The following SPEF2 variants were observed in gnomAD, a reference collection of about 807,000 sequenced individuals.
The protein encoded by SPEF2 is sperm flagella and cilia-associated protein 2.
SPEF2 carries 187 observed loss-of-function variants against 224.6 expected under a neutral mutation model. The observed-to-expected ratio is 0.83, with a 90% confidence interval of 0.74 to 0.94. SPEF2 has a LOEUF of 0.94. SPEF2 is among the 40% of genes least tolerant of loss of function. The probability of loss-of-function intolerance (pLI) is 0.00; values close to 1 mark genes in which losing one functional copy is unlikely to be tolerated. For missense variants in SPEF2, 2,170 were observed against 2,135.6 expected, an observed-to-expected ratio of 1.02 and a Z score of -0.32; for synonymous variants, 715 against 707.3, an observed-to-expected ratio of 1.01 and a Z score of -0.17.
At chr5:35,695,056 T>C (rs1052030785) in intron 13 of SPEF2, among the ~76,000 whole-genome samples, 2 of 152,192 alleles carry the variant, frequency 1.3e-5, no homozygotes, top group African/African-American at 4.8e-5. Flanking sequence ...GCCATTACCA[T>C]TGAACAATGT....
At chr5:35,669,300 A>G (rs760057218) in intron 9 of SPEF2, among the ~76,000 whole-genome samples, 2 of 152,096 alleles carry the variant, frequency 1.3e-5, no homozygotes, top group Non-Finnish European at 2.9e-5. Context: ...GTTTATGATC[A>G]TGTCAGGACA....
At chr5:35,755,568 T>G (rs1490221071) in intron 24 of SPEF2, among the ~76,000 whole-genome samples, 1 of 152,204 alleles carries the variant, frequency 6.6e-6, no homozygotes, top group African/African-American at 2.4e-5. Flanking sequence ...TACTAAGTTC[T>G]TACTATGTAC....
chr5:35,782,973 A>C (rs1220175934), intron 30 of SPEF2, among the ~76,000 whole-genome samples: 1 of 152,338 alleles, frequency 6.6e-6, no homozygotes, highest in East Asian at 1.9e-4. Context: ...TAGATCATGC[A>C]AAATGCAATG....
chr5:35,727,247 G>A (rs189414770), intron 20 of SPEF2, among the ~76,000 whole-genome samples: 1 of 152,138 alleles, frequency 6.6e-6, no homozygotes, highest in Non-Finnish European at 1.5e-5. Context: ...CTTTCTCTCT[G>A]CCCTCTAACC....
chr5:35,710,106 C>A (rs1250554411), intron 19 of SPEF2: 1 of 985,046 alleles, frequency 1.0e-6, no homozygotes, highest in Non-Finnish European at 1.2e-6. Context: ...TAACTACAGG[C>A]AAAATACACA....
intron 23 of SPEF2, among the ~76,000 whole-genome samples, chr5:35,745,937 C>G (rs1748459899): frequency 1.3e-5 from 2 of 152,214 alleles, no homozygotes; most frequent in Non-Finnish European, 2.9e-5. Context: ...CTCACCACCT[C>G]CACCAGAACA....
chr5:35,774,082 G>A (rs1026555373), intron 28 of SPEF2, 61 bp downstream of exon 28: 24 of 1,570,928 alleles, frequency 1.5e-5, no homozygotes, highest in Middle Eastern at 3.4e-4. Flanking sequence ...TAGCCAAACA[G>A]CCCACAACTG....
At chr5:35,650,999 A>G (rs1748114413) in intron 6 of SPEF2, among the ~76,000 whole-genome samples, 1 of 152,222 alleles carries the variant, frequency 6.6e-6, no homozygotes, top group African/African-American at 2.4e-5. Flanking sequence ...TGTGGTTTTC[A>G]TCCTCAAGGT....
intron 10 of SPEF2, among the ~76,000 whole-genome samples, chr5:35,683,550 G>A (rs1030137067): frequency 2.5e-4 from 38 of 152,152 alleles, no homozygotes; most frequent in South Asian, 1.0e-3. Flanking sequence ...GCTTGAACTC[G>A]AGAGATGGAG....
chr5:35,644,645 G>T, intron 4 of SPEF2, 120 bp downstream of exon 4: 1 of 690,426 alleles, frequency 1.4e-6, no homozygotes, highest in South Asian at 3.1e-5. Context: ...CCTGATGCAT[G>T]ACTTTGTCCT....
intron 2 of SPEF2, among the ~76,000 whole-genome samples, chr5:35,631,447 C>T (rs1357061373): frequency 2.0e-5 from 3 of 152,180 alleles, no homozygotes; most frequent in South Asian, 4.1e-4. Flanking sequence ...TGGCTATAGG[C>T]AGAGAGATGG....
intron 30 of SPEF2, 78 bp downstream of exon 30, chr5:35,779,424 T>C (rs1754028060): frequency 1.6e-5 from 17 of 1,060,736 alleles, no homozygotes; most frequent in Middle Eastern, 4.2e-4. Flanking sequence ...TGCCAACAAG[T>C]AAAATCAGCT....
At position 35,641,441 on chromosome 5, in the gene SPEF2, G is replaced by T. The variant is rs570062531; in HGVS notation, c.172G>T (p.Ala58Ser). The T allele has an allele frequency of 2.3e-4, 371 of 1,612,588 alleles. 1 individual carries two copies. In the South Asian group the frequency reaches 3.9e-3, roughly 17 times the overall value. ...TATTTTACTGTCCAGGGTTTCAAGT[G>T]CCAAACTTAATAATTTTTCTCGCTT... Reference protein sequence around the residue: ...SEFLDSRVSSAKLNNFSRLEP... With the variant: ...SEFLDSRVSSSKLNNFSRLEP... The change falls in exon 3 of 37, where the codon GCC (alanine) becomes TCC (serine). Residue 58 changes from alanine (A) to serine (S), a missense_variant. Transcript: ENST00000356031.
chr5:35,659,251 T>C (rs776506317), intron 8 of SPEF2, 44 bp downstream of exon 8: 2 of 1,527,524 alleles, frequency 1.3e-6, no homozygotes, highest in African/African-American at 2.8e-5. Flanking sequence ...GTTACTTTTG[T>C]TTCTTTCTAC....
intron 36 of SPEF2, among the ~76,000 whole-genome samples, chr5:35,812,084 G>A (rs1038415844): frequency 2.0e-5 from 3 of 152,002 alleles, no homozygotes; most frequent in African/African-American, 7.2e-5. Context: ...CACCGCACCT[G>A]GCCTCCCATT....
At position 35,800,132 on chromosome 5, in the gene SPEF2, T is replaced by A. The variant is rs370844504; in HGVS notation, c.4995T>A (p.Ile1665=). Residue 1665 remains isoleucine (I), a synonymous_variant, in exon 34 of 37, where the codon ATT becomes ATA. Coordinates refer to ENST00000356031, the MANE Select transcript of SPEF2 (RefSeq NM_024867.4). The part of the protein sequence containing the change: ...THVFQQVKAS[I]PSAEKTSSTD... ...TCTTCCAACAAGTCAAAGCTTCCATTCCAAGTGCAGAAAAGGTAATTGCAT... is the reference window on the plus strand; with the variant it reads ...TCTTCCAACAAGTCAAAGCTTCCATACCAAGTGCAGAAAAGGTAATTGCAT... 5.0e-6 allele frequency: 8 copies of A among 1,613,950 alleles called. No individual in the cohort carries two copies. Among genetic ancestry groups the A allele is most frequent in the Non-Finnish European group, 5.9e-6 (7 of 1,180,026 alleles).
At chr5:35,800,807 G>A (rs1757316410) in intron 34 of SPEF2, among the ~76,000 whole-genome samples, 1 of 152,104 alleles carries the variant, frequency 6.6e-6, no homozygotes, top group Non-Finnish European at 1.5e-5. Flanking sequence ...TCCATCTGAT[G>A]GGATGCTTGG....
At position 35,700,546 on chromosome 5, in the gene SPEF2, TA is replaced by T. The variant is rs773088414; in HGVS notation, c.2195del (p.Asn732ThrfsTer53). On this transcript the variant is annotated frameshift_variant, in exon 16 of 37. Coordinates refer to ENST00000356031, the MANE Select transcript of SPEF2 (RefSeq NM_024867.4). LOFTEE classifies it high-confidence loss of function. ...DCILDGFPMT[L>X]NQAQLLEEAL... ...ATCCTAGATGGTTTTCCAATGACTTTAAACCAAGCACAGCTTCTGGAAGAAG... is the reference window on the plus strand; with the variant it reads ...ATCCTAGATGGTTTTCCAATGACTTTAACCAAGCACAGCTTCTGGAAGAAG... 1 of 1,613,596 alleles carries T rather than the reference TA, an allele frequency of 6.2e-7. No individual in the cohort carries two copies. Among genetic ancestry groups the T allele is most frequent in the African/African-American group, 1.3e-5 (1 of 74,894 alleles).
At position 35,777,312 on chromosome 5, in the gene SPEF2, A is replaced by G. The variant is rs528652747; in HGVS notation, c.4217+917A>G. Among the ~76,000 whole-genome samples, 22 of 152,292 alleles carry G rather than the reference A, an allele frequency of 1.4e-4. No individual in the cohort carries two copies. In the South Asian group the frequency reaches 4.6e-3, roughly 32 times the overall value. On this transcript the variant is annotated intron_variant, in intron 29 of 36. Coordinates refer to ENST00000356031, the MANE Select transcript of SPEF2 (RefSeq NM_024867.4). Reference sequence around the variant, plus strand: ...TTGTTTAGAACTATTGCTCCATAGTAAAACAAACAAAGAAACATTAAACAG... The same window carrying G: ...TTGTTTAGAACTATTGCTCCATAGTGAAACAAACAAAGAAACATTAAACAG...
Sources: allele counts gnomAD v4.1 joint callset (sites outside exome capture counted in the v4.1 genomes callset), GRCh38; gene constraint gnomAD v4.1.1; transcripts MANE v1.5; gene names NCBI Gene and HGNC (gene_info 2026-07-23, HGNC 2026-07-21).